NKAIN3: variants seen among roughly 807,000 people sequenced by gnomAD.
NKAIN3 encodes sodium/potassium transporting ATPase interacting 3.
Under a neutral mutation model 30.2 loss-of-function variants are expected in NKAIN3, and 25 were observed. That is an observed-to-expected ratio of 0.83 (90% CI 0.60 to 1.16). The LOEUF is 1.16. Ranked by LOEUF, NKAIN3 falls within the 50% of genes most tolerant of loss-of-function variation. The pLI, the probability that NKAIN3 is intolerant of heterozygous loss-of-function variation, is 0.00. For missense variants in NKAIN3, 225 were observed against 254.1 expected (o/e 0.89, Z 0.78); for synonymous variants, 91 against 89.6 (o/e 1.02, Z -0.09).
chr8:62,453,685 C>T (rs897473144), intron 1 of NKAIN3, among the ~76,000 whole-genome samples: 1 of 151,984 alleles, frequency 6.6e-6, no homozygotes, highest in Non-Finnish European at 1.5e-5. Context: ...TCAGAAATGA[C>T]AAAGGGGGCA....
At chr8:62,634,335 C>T (rs747915145) in intron 3 of NKAIN3, among the ~76,000 whole-genome samples, 14 of 152,044 alleles carry the variant, frequency 9.2e-5, no homozygotes, top group Non-Finnish European at 1.6e-4. Flanking sequence ...CTTCCATATC[C>T]CTCCCTAATT....
intron 4 of NKAIN3, among the ~76,000 whole-genome samples, chr8:62,879,082 G>A (rs1820890877): frequency 3.9e-5 from 6 of 152,112 alleles, no homozygotes; most frequent in South Asian, 4.1e-4. Context: ...CTGAGGAATC[G>A]CCACACTGAC....
At chr8:62,997,836 A>G (rs1323353229) in intron 5 of NKAIN3, among the ~76,000 whole-genome samples, 1 of 152,050 alleles carries the variant, frequency 6.6e-6, no homozygotes, top group Non-Finnish European at 1.5e-5. Flanking sequence ...TTGACAATGC[A>G]ATAGCCCCCT....
chr8:62,475,003 A>G lies in NKAIN3; in HGVS notation c.55-104536A>G, dbSNP rs568008119. On this transcript the variant is annotated intron_variant, in intron 1 of 6. Coordinates refer to ENST00000623646, the MANE Select transcript of NKAIN3 (RefSeq NM_001304533.3). ...TATTGTAATTCTCAGAGCAATGACT[A>G]TAAAATAATTTTAAAAGTCATAGCT... 5.9e-5 allele frequency among the ~76,000 whole-genome samples: 9 copies of G among 152,348 alleles called. No individual in the cohort carries two copies. In the East Asian group the frequency reaches 9.6e-4, roughly 16 times the overall value.
intron 1 of NKAIN3, among the ~76,000 whole-genome samples, chr8:62,420,284 A>G (rs1804592482): frequency 6.6e-6 from 1 of 152,204 alleles, no homozygotes; most frequent in Non-Finnish European, 1.5e-5. Flanking sequence ...ATATAATTTC[A>G]CCAAACAATG....
chr8:62,345,464 CACAT>C (rs1815934177), intron 1 of NKAIN3, among the ~76,000 whole-genome samples: 2 of 22,010 alleles, frequency 9.1e-5, no homozygotes, highest in Admixed American at 5.7e-4. Context: ...TGTATATATA[CACAT>C]ATATACACAT....
chr8:62,834,742 A>G (rs1376101881), intron 4 of NKAIN3, among the ~76,000 whole-genome samples: 7 of 152,132 alleles, frequency 4.6e-5, no homozygotes, highest in Non-Finnish European at 2.9e-5. Flanking sequence ...AACATAAATA[A>G]AAAGACCATA....
At chr8:62,538,854 G>T (rs1475485857) in intron 1 of NKAIN3, among the ~76,000 whole-genome samples, 2 of 152,160 alleles carry the variant, frequency 1.3e-5, no homozygotes, top group Non-Finnish European at 2.9e-5. Context: ...ACATATGCAA[G>T]TTCATTTAAG....
At chr8:62,266,478 ATAT>A (rs1235619698) in intron 1 of NKAIN3, among the ~76,000 whole-genome samples, 11 of 152,228 alleles carry the variant, frequency 7.2e-5, no homozygotes, top group African/African-American at 2.7e-4. Context: ...TTTTAAATAG[ATAT>A]TATCAAAATT....
At chr8:62,384,518 C>A (rs1817366659) in intron 1 of NKAIN3, among the ~76,000 whole-genome samples, 2 of 152,070 alleles carry the variant, frequency 1.3e-5, no homozygotes, top group Admixed American at 1.3e-4. Context: ...TATTTCTAGG[C>A]TGCAATTTTC....
At chr8:62,863,657 C>T (rs1820327629) in intron 4 of NKAIN3, 4 of 1,355,436 alleles carry the variant, frequency 3.0e-6, no homozygotes, top group Non-Finnish European at 4.2e-6. Context: ...ATAACTTTCT[C>T]GAACACATTT....
At chr8:62,320,130 T>C (rs1814819995) in intron 1 of NKAIN3, among the ~76,000 whole-genome samples, 1 of 152,210 alleles carries the variant, frequency 6.6e-6, no homozygotes, top group African/African-American at 2.4e-5. Flanking sequence ...TTAAAGTCTG[T>C]TTTGTCAGAG....
chr8:62,685,686 G>T (rs753777099), intron 3 of NKAIN3, among the ~76,000 whole-genome samples: 1 of 152,060 alleles, frequency 6.6e-6, no homozygotes, highest in Non-Finnish European at 1.5e-5. Context: ...GGTTTAATTG[G>T]GATGTTAATA....
chr8:62,946,011 T>G (rs546223380), intron 5 of NKAIN3, among the ~76,000 whole-genome samples: 1 of 152,346 alleles, frequency 6.6e-6, no homozygotes, highest in African/African-American at 2.4e-5. Context: ...GCTCTTGGAC[T>G]GCATACTCTA....
intron 4 of NKAIN3, among the ~76,000 whole-genome samples, chr8:62,909,898 A>G (rs1169197219): frequency 2.0e-5 from 3 of 152,138 alleles, no homozygotes; most frequent in African/African-American, 4.8e-5. Flanking sequence ...GGTACTGTCT[A>G]TCTCCATTGC....
intron 3 of NKAIN3, among the ~76,000 whole-genome samples, chr8:62,591,693 A>G (rs1810659718): frequency 6.6e-6 from 1 of 151,998 alleles, no homozygotes; most frequent in African/African-American, 2.4e-5. Context: ...CAGTCAACCA[A>G]GTATTCTAGG....
In NKAIN3 at chr8:62,970,056, T is replaced by C. The variant is rs1457328322; in HGVS notation, c.*4649T>C. Among the ~76,000 whole-genome samples, 1 of 145,772 alleles carries C rather than the reference T, an allele frequency of 6.9e-6. No individual in the cohort carries two copies. The highest frequency in any genetic ancestry group is 1.5e-5 in the Non-Finnish European group (1 of 65,286). On this transcript the variant is annotated 3_prime_UTR_variant, in exon 7 of 7. Transcript: ENST00000623646. ...CAAAAACAAACAAATAAACAAAAAATACCTAAAAAAAAATTTAAATTAGCC... is the reference window on the plus strand; with the variant it reads ...CAAAAACAAACAAATAAACAAAAAACACCTAAAAAAAAATTTAAATTAGCC...
At chr8:62,839,078 T>C (rs1416342785) in intron 4 of NKAIN3, among the ~76,000 whole-genome samples, 5 of 152,022 alleles carry the variant, frequency 3.3e-5, no homozygotes, top group African/African-American at 1.2e-4. Context: ...CACACAGCTA[T>C]CTCTCTAATA....
At chr8:62,498,730 A>C (rs1416701881) in intron 1 of NKAIN3, among the ~76,000 whole-genome samples, 1 of 146,290 alleles carries the variant, frequency 6.8e-6, no homozygotes, top group Non-Finnish European at 1.5e-5. Context: ...TTTTTTTTCC[A>C]TTCAGCCTGT....
Sources: gnomAD v4.1 joint callset for allele counts (sites outside exome capture counted in the v4.1 genomes callset) on GRCh38, gnomAD v4.1.1 for gene constraint, MANE v1.5 for transcripts, NCBI Gene and HGNC (gene_info 2026-07-23, HGNC 2026-07-21) for gene names.